GLIS1: variants seen among roughly 807,000 people sequenced by gnomAD.
GLIS1 encodes the protein zinc finger protein GLIS1.
GLIS1 carries 24 observed loss-of-function variants against 63.8 expected under a neutral mutation model. The observed-to-expected ratio is 0.38, with a 90% CI of 0.27 to 0.53. GLIS1 has a LOEUF of 0.53. Ranked by LOEUF, GLIS1 falls within the 20% of genes least tolerant of loss-of-function variation. The pLI is 0.85. For missense variants in GLIS1, 1,036 were observed against 1,074.1 expected (o/e 0.96, Z 0.50); for synonymous variants, 450 against 482.5 (o/e 0.93, Z 0.88).
chr1:53,543,304 G>A (rs1199053218), intron 4 of GLIS1, among the ~76,000 whole-genome samples: 1 of 152,222 alleles, frequency 6.6e-6, no homozygotes. Context: ...CCGCTGATGG[G>A]CGCCCTCAAG....
Position 53,594,687 on chromosome 1 carries a change from G to T in GLIS1, c.741C>A (p.Pro247=), listed in dbSNP as rs754092612. Residue 247 remains proline, a synonymous_variant, in exon 4 of 11, where the codon CCC becomes CCA. Coordinates refer to ENST00000628545, the MANE Select transcript of GLIS1 (RefSeq NM_001367484.1). The stretch of plus-strand genomic sequence containing the variant: ...AGGGTGAGGAGGAGGCTGGGGAGGT[G>T]GGGGGTAGGCCCAAGACGCAGCACC... ...LKRCCVLGLP[P]TSPASSSPCA... 2.3e-5 allele frequency: 36 copies of T among 1,549,826 alleles called. No homozygotes were observed. The highest frequency in any genetic ancestry group is 2.7e-5 in the Non-Finnish European group (31 of 1,145,906).
intron 2 of GLIS1, among the ~76,000 whole-genome samples, chr1:53,638,684 GGCCA>G (rs1271791659): frequency 6.6e-6 from 1 of 152,202 alleles, no homozygotes; most frequent in Non-Finnish European, 1.5e-5. Context: ...GTGAGGACCT[GGCCA>G]GCCTACCTCC....
rs777561220 is a variant in GLIS1, at chr1:53,709,415, C to CATATATATACATATACATATATATAT, written c.259+28390_259+28391insATATATATATGTATATGTATATATAT. On this transcript the variant is annotated intron_variant, in intron 2 of 10. Coordinates refer to ENST00000628545, the MANE Select transcript of GLIS1 (RefSeq NM_001367484.1). ...ATATACATATACATATATATATACA[C>CATATATATACATATACATATATATAT]ACACACACACACACACACACACACA... Among the ~76,000 whole-genome samples, 221 of 123,220 alleles carry CATATATATACATATACATATATATAT rather than the reference C, an allele frequency of 1.8e-3. 2 individuals carry two copies. Among genetic ancestry groups the CATATATATACATATACATATATATAT allele is most frequent in the African/African-American group, 7.7e-3 (211 of 27,472 alleles). 80.8% of individuals were successfully genotyped at this position (123,220 alleles called of 152,430 possible).
At chr1:53,713,687 AG>A (rs1261594545) in intron 2 of GLIS1, among the ~76,000 whole-genome samples, 2 of 152,204 alleles carry the variant, frequency 1.3e-5, no homozygotes, top group African/African-American at 4.8e-5. Flanking sequence ...GCTTGAGCCC[AG>A]GAAGTTGAGG....
chr1:53,665,676 T>C (rs1403946456), intron 2 of GLIS1, among the ~76,000 whole-genome samples: 2 of 152,056 alleles, frequency 1.3e-5, no homozygotes, highest in Non-Finnish European at 1.5e-5. Context: ...AATAGACAGA[T>C]ACAAACCCTG....
Position 53,514,742 on chromosome 1 carries a change from G to T in GLIS1, c.1766C>A (p.Ala589Glu). The change falls in exon 8 of 11, where the codon GCA becomes GAA. Residue 589 changes from alanine to glutamate, a missense_variant. Ala to Glu is a moderately radical substitution (Grantham distance 107). Coordinates refer to ENST00000628545, the MANE Select transcript of GLIS1 (RefSeq NM_001367484.1). ...PGSITPHNGLASGLLPPAHDV... is the reference protein window; with the variant it reads ...PGSITPHNGLESGLLPPAHDV... ...GTGCGCTGGGGGCAGGAGGCCCGATGCAAGTCCGTTATGGGGGGTGATGGA... is the reference window on the plus strand; with the variant it reads ...GTGCGCTGGGGGCAGGAGGCCCGATTCAAGTCCGTTATGGGGGGTGATGGA... 6.2e-7 allele frequency: 1 copy of T among 1,610,024 alleles called. No homozygotes were observed. Among genetic ancestry groups the T allele is most frequent in the South Asian group, 1.1e-5 (1 of 90,136 alleles).
intron 10 of GLIS1, among the ~76,000 whole-genome samples, chr1:53,507,469 T>C (rs1018576807): frequency 2.6e-5 from 4 of 152,170 alleles, no homozygotes; most frequent in African/African-American, 9.6e-5. Context: ...TCAGAGGCCC[T>C]TGACTTGGGA....
chr1:53,713,134 A>G (rs10888806), intron 2 of GLIS1, among the ~76,000 whole-genome samples: 18 of 149,616 alleles, frequency 1.2e-4, no homozygotes, highest in South Asian at 4.3e-4. Flanking sequence ...AGACCAGCCT[A>G]GGCAACATGG....
chr1:53,525,764 T>C lies in GLIS1; in HGVS notation c.1483-877A>G, dbSNP rs534662359. 4.6e-5 allele frequency among the ~76,000 whole-genome samples: 7 copies of C among 151,864 alleles called. No homozygotes were observed. The South Asian group carries it at 1.3e-3, about 27-fold the overall frequency. ...CTCCCGGCACCGCAGGCCCTACACC[T>C]CCCACCACGAGCACCTCCTCAGCTC... On this transcript the variant is annotated intron_variant, in intron 5 of 10. Transcript: ENST00000628545.
In GLIS1 at chr1:53,539,244, TCACA is replaced by T. The variant is rs796469595; in HGVS notation, c.1321-9296_1321-9293del. On this transcript the variant is annotated intron_variant, in intron 4 of 10. Coordinates refer to ENST00000628545, the MANE Select transcript of GLIS1 (RefSeq NM_001367484.1). This position sits in a 1 kb window ranked among gnomAD's most constrained non-coding sequence, Gnocchi z 5.0. ...CACACACCAACACACACACATGGAT[TCACA>T]CACACACACACACCAAGACCCAGAA... is the stretch of plus-strand genomic sequence containing the variant. Among the ~76,000 whole-genome samples, 7 of 109,098 alleles carry T rather than the reference TCACA, an allele frequency of 6.4e-5. No homozygotes were observed. The highest frequency in any genetic ancestry group is 1.5e-4 in the African/African-American group (5 of 34,304). The allele number at this position is 109,098 out of a possible 152,430, so 71.6% of individuals were successfully genotyped here.
At chr1:53,640,344 G>T (rs556923308) in intron 2 of GLIS1, among the ~76,000 whole-genome samples, 11 of 151,888 alleles carry the variant, frequency 7.2e-5, no homozygotes, top group Non-Finnish European at 1.6e-4. Context: ...GACTCCTTTT[G>T]GTTGTAACCA....
chr1:53,629,010 G>T (rs535361192), intron 2 of GLIS1, among the ~76,000 whole-genome samples: 3 of 152,114 alleles, frequency 2.0e-5, no homozygotes, highest in African/African-American at 7.2e-5. Context: ...AGATCAAATC[G>T]AATCTCACCT....
At chr1:53,547,817 C>A (rs564601070) in intron 4 of GLIS1, among the ~76,000 whole-genome samples, 1 of 152,306 alleles carries the variant, frequency 6.6e-6, no homozygotes, top group South Asian at 2.1e-4. Context: ...GCAGTGATTT[C>A]TCATTAGAAA....
chr1:53,509,354 C>G, intron 9 of GLIS1, 67 bp from the exon 10 acceptor site: 1 of 1,407,608 alleles, frequency 7.1e-7, no homozygotes, highest in Non-Finnish European at 9.7e-7. Flanking sequence ...AGGGGAACAT[C>G]CTTGCTGCAC....
intron 4 of GLIS1, among the ~76,000 whole-genome samples, chr1:53,533,497 G>C (rs995655168): frequency 6.6e-6 from 1 of 152,204 alleles, no homozygotes; most frequent in Non-Finnish European, 1.5e-5. Flanking sequence ...TCTGCTCCCC[G>C]CCCCCTGGAA....
intron 4 of GLIS1, among the ~76,000 whole-genome samples, chr1:53,531,790 C>T (rs758130196): frequency 3.3e-5 from 5 of 152,164 alleles, no homozygotes; most frequent in Non-Finnish European, 2.9e-5. Flanking sequence ...ATGACTGTAG[C>T]GAGCTTAGAC....
At chr1:53,657,958 C>T (rs1402233942) in intron 2 of GLIS1, among the ~76,000 whole-genome samples, 1 of 152,172 alleles carries the variant, frequency 6.6e-6, no homozygotes, top group Non-Finnish European at 1.5e-5. Flanking sequence ...AACTTCCTGT[C>T]TGGTCCCCTA....
At chr1:53,667,011 C>T (rs1313726247) in intron 2 of GLIS1, among the ~76,000 whole-genome samples, 2 of 152,210 alleles carry the variant, frequency 1.3e-5, no homozygotes, top group African/African-American at 4.8e-5. Flanking sequence ...TTCATTCATT[C>T]ATTCGTTACA....
chr1:53,635,557 A>G lies in GLIS1; in HGVS notation c.260-35279T>C, dbSNP rs151069460. ...TCCACCACAAGATGTTAAAAAAAAA[A>G]AGCAAAATGAAGTAGCAAGAGAAAC... On this transcript the variant is annotated intron_variant, in intron 2 of 10. Transcript: ENST00000628545. Among the ~76,000 whole-genome samples the G allele has an allele frequency of 7.2e-5, 11 of 152,208 alleles. No individual in the cohort carries two copies. In the East Asian group the frequency reaches 2.1e-3, roughly 29 times the overall value.
Sources: gnomAD v4.1 joint callset for allele counts (sites outside exome capture counted in the v4.1 genomes callset) on GRCh38, gnomAD v4.1.1 for gene constraint, Gnocchi (gnomAD v3.1) non-coding constraint, MANE v1.5 for transcripts, NCBI Gene and HGNC (gene_info 2026-07-23, HGNC 2026-07-21) for gene names.